The following MIS18A variants were observed in gnomAD, a reference collection of about 807,000 sequenced individuals.
The protein encoded by MIS18A is protein Mis18-alpha.
MIS18A carries 14 observed loss-of-function variants against 25.0 expected under a neutral mutation model. That is an observed-to-expected ratio of 0.56 (90% confidence interval 0.37 to 0.88). MIS18A has a LOEUF of 0.88. MIS18A is among the 40% of genes least tolerant of loss of function. The pLI, the probability that MIS18A is intolerant of heterozygous loss-of-function variation, is 0.00. For synonymous variants in MIS18A, 134 were observed against 118.6 expected (o/e 1.13, Z -0.84); for missense variants, 292 against 290.8 (o/e 1.00, Z -0.03).
chr21:32,194,278 C>T, the MIS18A span, among the ~76,000 whole-genome samples: 1 of 152,000 alleles, frequency 6.6e-6, no homozygotes, highest in Non-Finnish European at 1.5e-5. Flanking sequence ...GTCATAGAAC[C>T]AATCTAAGAA....
At chr21:32,216,963 A>C in the MIS18A span, among the ~76,000 whole-genome samples, 1 of 152,270 alleles carries the variant, frequency 6.6e-6, no homozygotes, top group African/African-American at 2.4e-5. Flanking sequence ...TCACTGAACA[A>C]ACATTTACAA....
the MIS18A span, among the ~76,000 whole-genome samples, chr21:32,196,459 C>CT: frequency 0.041 from 5,421 of 130,986 alleles, 287 homozygotes; most frequent in African/African-American, 0.11. Flanking sequence ...GAGCTAATGT[C>CT]TTTTTTTTTT....
the MIS18A span, among the ~76,000 whole-genome samples, chr21:32,196,756 G>A: frequency 6.6e-6 from 1 of 152,010 alleles, no homozygotes; most frequent in Admixed American, 6.6e-5. Flanking sequence ...GCCTGGCCAA[G>A]CTAATGTCTT....
the MIS18A span, among the ~76,000 whole-genome samples, chr21:32,186,635 C>T: frequency 6.6e-6 from 1 of 152,126 alleles, no homozygotes; most frequent in Non-Finnish European, 1.5e-5. Flanking sequence ...TTGTTGGGGG[C>T]AGCTGTGTGA....
At chr21:32,200,906 G>A in the MIS18A span, among the ~76,000 whole-genome samples, 2 of 152,180 alleles carry the variant, frequency 1.3e-5, no homozygotes, top group Non-Finnish European at 2.9e-5. Context: ...TCAGGAGGCA[G>A]GAGAACCAGA....
the MIS18A span, among the ~76,000 whole-genome samples, chr21:32,242,173 C>G: frequency 6.6e-6 from 1 of 152,234 alleles, no homozygotes; most frequent in African/African-American, 2.4e-5. Context: ...AGCCATCGCG[C>G]CCGGCCAGAA....
the MIS18A span, among the ~76,000 whole-genome samples, chr21:32,250,012 A>G: frequency 0.016 from 2,458 of 152,292 alleles, 35 homozygotes; most frequent in Non-Finnish European, 0.026. Flanking sequence ...CTTAGGACAC[A>G]GCTGCCTCCT....
the MIS18A span, among the ~76,000 whole-genome samples, chr21:32,223,901 C>T: frequency 6.6e-6 from 1 of 152,178 alleles, no homozygotes; most frequent in African/African-American, 2.4e-5. Flanking sequence ...TCAACCAAAT[C>T]CAGTAGTATA....
At chr21:32,266,642 C>G (rs994164836), downstream of MIS18A, among the ~76,000 whole-genome samples, 1 of 152,042 alleles carries the variant, frequency 6.6e-6, no homozygotes, top group Non-Finnish European at 1.5e-5. Context: ...CAGCTTCACT[C>G]CTGAGCCACC....
chr21:32,209,860 T>C, the MIS18A span, among the ~76,000 whole-genome samples: 134 of 152,330 alleles, frequency 8.8e-4, no homozygotes, highest in Admixed American at 2.4e-3. Flanking sequence ...GATGGTAAGT[T>C]TCCTGAGGCC....
chr21:32,203,805 G>A, the MIS18A span, among the ~76,000 whole-genome samples: 1 of 151,724 alleles, frequency 6.6e-6, no homozygotes, highest in Non-Finnish European at 1.5e-5. Flanking sequence ...TTTTTGTAGA[G>A]ACAAGGTTTC....
At chr21:32,266,560 T>G (rs980595786), downstream of MIS18A, among the ~76,000 whole-genome samples, 3 of 150,868 alleles carry the variant, frequency 2.0e-5, no homozygotes, top group Non-Finnish European at 4.4e-5. Context: ...GTGAGACCAC[T>G]AGCCCACCGG....
At chr21:32,258,333 TG>T in the MIS18A span, among the ~76,000 whole-genome samples, 1 of 152,216 alleles carries the variant, frequency 6.6e-6, no homozygotes, top group African/African-American at 2.4e-5. Flanking sequence ...AGCAGTCTGA[TG>T]GGGGCTGCAT....
At chr21:32,277,443 A>G (rs943992996) in intron 1 of MIS18A, among the ~76,000 whole-genome samples, 1 of 152,032 alleles carries the variant, frequency 6.6e-6, no homozygotes, top group Non-Finnish European at 1.5e-5. Context: ...CCTAACCAAA[A>G]ATCTGCTTTT....
the MIS18A span, among the ~76,000 whole-genome samples, chr21:32,172,173 C>A: frequency 6.6e-6 from 1 of 151,958 alleles, no homozygotes; most frequent in South Asian, 2.1e-4. Context: ...GAAAATGAAA[C>A]CCTTGTACTC....
At chr21:32,241,769 T>A in the MIS18A span, among the ~76,000 whole-genome samples, 1 of 152,190 alleles carries the variant, frequency 6.6e-6, no homozygotes, top group Non-Finnish European at 1.5e-5. Flanking sequence ...AAGAGCACAA[T>A]TATGGAAAAC....
Position 32,268,974 on chromosome 21 carries a change from T to C in MIS18A, c.*63A>G. On this transcript the variant is annotated 3_prime_UTR_variant, in exon 5 of 5. Transcript: ENST00000290130. Reference sequence around the variant, plus strand: ...TTTGTAGAGACGACGTCTCACTATGTTGCTTCATTTAACAAATAAGGGGAG... The same window carrying C: ...TTTGTAGAGACGACGTCTCACTATGCTGCTTCATTTAACAAATAAGGGGAG... 8.2e-7 allele frequency: 1 copy of C among 1,218,202 alleles called. No homozygotes were observed. The highest frequency in any genetic ancestry group is 2.1e-5 in the Admixed American group (1 of 46,758). The allele number at this position is 1,218,202 out of a possible 1,614,324, so 75.5% of individuals were successfully genotyped here. A position where few individuals can be genotyped will look rare whatever the true frequency, so the allele number is the denominator to read the frequency against.
Position 32,270,470 on chromosome 21 carries a change from C to T in MIS18A, c.461G>A (p.Cys154Tyr). 1 of 1,612,178 alleles carries T rather than the reference C, an allele frequency of 6.2e-7. No homozygotes were observed. The highest frequency in any genetic ancestry group is 8.5e-7 in the Non-Finnish European group (1 of 1,179,260). The stretch of plus-strand genomic sequence containing the variant: ...CTTGTAATCAAGATTCTTGGGCGTG[C>T]ATCTGTACACGTAGCCAAGATTGAG... Reference protein sequence around the residue: ...CSLNLGYVYRCTPKNLDYKRD... With the variant: ...CSLNLGYVYRYTPKNLDYKRD... The change falls in exon 3 of 5, where the codon TGC becomes TAC. Residue 154 changes from cysteine (C) to tyrosine (Y), a missense_variant. Transcript: ENST00000290130.
the MIS18A span, among the ~76,000 whole-genome samples, chr21:32,208,586 T>G: frequency 6.6e-6 from 1 of 152,326 alleles, no homozygotes; most frequent in Admixed American, 6.5e-5. Flanking sequence ...TCTTTATAAA[T>G]TACCCAGTCC....
Sources: gnomAD v4.1 joint callset for allele counts (sites outside exome capture counted in the v4.1 genomes callset) on GRCh38, gnomAD v4.1.1 for gene constraint, MANE v1.5 for transcripts, NCBI Gene and HGNC (gene_info 2026-07-23, HGNC 2026-07-21) for gene names.